TMEM156: variants seen among roughly 807,000 people sequenced by gnomAD.
TMEM156 encodes transmembrane protein 156.
TMEM156 carries 28 observed loss-of-function variants against 30.5 expected under a neutral mutation model. The observed-to-expected ratio is 0.92, with a 90% confidence interval of 0.68 to 1.26. TMEM156 has a LOEUF of 1.26. TMEM156 is among the 50% of genes most tolerant of loss of function. TMEM156 has a pLI of 0.00. For synonymous variants in TMEM156, 137 were observed against 119.9 expected, an observed-to-expected ratio of 1.14 and a Z score of -0.93; for missense variants, 351 against 340.6, an observed-to-expected ratio of 1.03 and a Z score of -0.24.
intron 1 of TMEM156, among the ~76,000 whole-genome samples, chr4:39,029,285 G>GA (rs576412540): frequency 4.0e-5 from 6 of 151,146 alleles, no homozygotes; most frequent in South Asian, 2.1e-4. Flanking sequence ...GAGAAAAAAT[G>GA]AAAAAAAAGG....
At chr4:38,981,376 A>G (rs1332969096) in intron 5 of TMEM156, among the ~76,000 whole-genome samples, 1 of 152,122 alleles carries the variant, frequency 6.6e-6, no homozygotes, top group Admixed American at 6.5e-5. Flanking sequence ...TTCCCTCAGA[A>G]CCCACTCACA....
At chr4:38,998,932 C>T (rs1251015366) in intron 1 of TMEM156, 23 bp from the exon 2 acceptor site, 1 of 1,582,148 alleles carries the variant, frequency 6.3e-7, no homozygotes, top group Admixed American at 1.9e-5. Flanking sequence ...AAGAAAAACA[C>T]TTTCTTTACT....
At chr4:39,025,210 G>A (rs2711972) in intron 1 of TMEM156, among the ~76,000 whole-genome samples, 11 of 151,550 alleles carry the variant, frequency 7.3e-5, no homozygotes, top group African/African-American at 2.4e-4. Context: ...TTAGCCAGGC[G>A]TGGTGGGGGC....
At chr4:39,026,501 CT>C (rs1398801662) in intron 1 of TMEM156, among the ~76,000 whole-genome samples, 1 of 152,188 alleles carries the variant, frequency 6.6e-6, no homozygotes, top group Admixed American at 6.6e-5. Context: ...AAAGCCAGTT[CT>C]GTCAAAGTGA....
At chr4:38,976,288 T>TAA (rs1722845860) in intron 5 of TMEM156, among the ~76,000 whole-genome samples, 1 of 49,406 alleles carries the variant, frequency 2.0e-5, no homozygotes, top group African/African-American at 1.2e-4. Flanking sequence ...AGACTCCGTC[T>TAA]CAAAAAAAAA....
intron 5 of TMEM156, among the ~76,000 whole-genome samples, chr4:38,976,374 C>G (rs1722853787): frequency 6.6e-6 from 1 of 151,770 alleles, no homozygotes; most frequent in African/African-American, 2.4e-5. Context: ...GCCAAGTGGC[C>G]TCTGGGACCT....
chr4:38,989,066 C>T, intron 3 of TMEM156, 96 bp from the exon 4 acceptor site: 1 of 1,283,480 alleles, frequency 7.8e-7, no homozygotes. Context: ...CATATTCTGC[C>T]CTGAATTGAA....
chr4:38,985,803 A>G (rs1383370658), intron 5 of TMEM156, among the ~76,000 whole-genome samples: 1 of 152,222 alleles, frequency 6.6e-6, no homozygotes, highest in Non-Finnish European at 1.5e-5. Flanking sequence ...AGGCTTCACA[A>G]TTAGAAGAAA....
chr4:39,014,623 G>A (rs1198775679), intron 1 of TMEM156, among the ~76,000 whole-genome samples: 1 of 151,928 alleles, frequency 6.6e-6, no homozygotes, highest in African/African-American at 2.4e-5. Context: ...GCTGGGCATG[G>A]TGGTGTGTAC....
chr4:39,022,500 C>T (rs1714934823), intron 1 of TMEM156, among the ~76,000 whole-genome samples: 1 of 152,152 alleles, frequency 6.6e-6, no homozygotes, highest in Non-Finnish European at 1.5e-5. Context: ...ATAATTCCTA[C>T]TCATTTTCTG....
At chr4:38,990,629 T>C (rs1160059975) in intron 3 of TMEM156, among the ~76,000 whole-genome samples, 1 of 152,046 alleles carries the variant, frequency 6.6e-6, no homozygotes, top group Non-Finnish European at 1.5e-5. Flanking sequence ...CACCCATCCC[T>C]GCAGCCTTCT....
intron 1 of TMEM156, among the ~76,000 whole-genome samples, chr4:39,025,703 A>C (rs1398526759): frequency 6.6e-6 from 1 of 152,236 alleles, no homozygotes; most frequent in Non-Finnish European, 1.5e-5. Context: ...AAATAAGAGA[A>C]GCAAATGAAT....
At chr4:38,971,170 T>C (rs1188491858) in intron 5 of TMEM156, 33 bp from the exon 6 acceptor site, 2 of 1,597,068 alleles carry the variant, frequency 1.3e-6, no homozygotes, top group Non-Finnish European at 1.7e-6. Context: ...TTAGTCTATA[T>C]GTAGTAAATA....
At chr4:39,004,306 A>C (rs1249702553) in intron 1 of TMEM156, among the ~76,000 whole-genome samples, 1 of 152,198 alleles carries the variant, frequency 6.6e-6, no homozygotes, top group Non-Finnish European at 1.5e-5. Flanking sequence ...ACAAATGCTC[A>C]AGTCAAATAT....
At chr4:39,026,002 A>T (rs1194043090) in intron 1 of TMEM156, among the ~76,000 whole-genome samples, 1 of 152,240 alleles carries the variant, frequency 6.6e-6, no homozygotes, top group African/African-American at 2.4e-5. Context: ...ACAGATATTC[A>T]TTGAGTGCCC....
At chr4:39,028,271 A>G (rs1715328626) in intron 1 of TMEM156, 1 of 152,212 alleles carries the variant, frequency 6.6e-6, no homozygotes, top group Non-Finnish European at 1.5e-5. Context: ...ACTTTCAGGA[A>G]CTATTGATAT....
rs992400550 is a variant in TMEM156, at chr4:38,972,439, C to T, written c.824-1302G>A. 1.1e-4 allele frequency among the ~76,000 whole-genome samples: 16 copies of T among 151,220 alleles called. 1 individual carries two copies. The highest frequency in any genetic ancestry group is 2.6e-4 in the Admixed American group (4 of 15,200). ...CTAAGTTCTGTATTTTTAGTAGAGA[C>T]GGGGTTTCACCATGTTGGCCAGGCT... On this transcript the variant is annotated intron_variant, in intron 5 of 6. Transcript: ENST00000381938.
intron 5 of TMEM156, among the ~76,000 whole-genome samples, chr4:38,977,662 G>T (rs1393208073): frequency 6.6e-6 from 1 of 152,138 alleles, no homozygotes; most frequent in Non-Finnish European, 1.5e-5. Flanking sequence ...ATATTTTAAA[G>T]CTTCACAGCA....
rs1282453724 is a variant in TMEM156, at chr4:39,006,892, A to G, written c.89-7983T>C. Reference sequence around the variant, plus strand: ...CAGGAGGTTGAGGCCGTGGTGAGCCATGATCATACCACTGCAGTCCAGACT... The same window carrying G: ...CAGGAGGTTGAGGCCGTGGTGAGCCGTGATCATACCACTGCAGTCCAGACT... On this transcript the variant is annotated intron_variant, in intron 1 of 6. Transcript: ENST00000381938. Among the ~76,000 whole-genome samples the G allele has an allele frequency of 2.0e-5, 3 of 152,306 alleles. No individual in the cohort carries two copies. The East Asian group carries it at 5.8e-4, about 29-fold the overall frequency.
Sources: allele counts gnomAD v4.1 joint callset (sites outside exome capture counted in the v4.1 genomes callset), GRCh38; gene constraint gnomAD v4.1.1; transcripts MANE v1.5; gene names NCBI Gene and HGNC (gene_info 2026-07-23, HGNC 2026-07-21).